Variants in ZNF536 observed in about 807,000 individuals in gnomAD.
ZNF536 encodes the protein zinc finger protein 536.
A neutral mutation model predicts 84.5 loss-of-function variants in ZNF536; 13 were observed. The ratio of observed to expected loss-of-function variants is 0.15; its 90% CI spans 0.10 to 0.24. ZNF536 has a LOEUF of 0.24. Among genes scored for constraint, ZNF536 ranks in the 10% least tolerant of loss-of-function variants. ZNF536 has a pLI of 1.00. For missense variants in ZNF536, 1,536 were observed against 1,747.5 expected (o/e 0.88, Z 2.16); for synonymous variants, 811 against 742.5 (o/e 1.09, Z -1.50).
At chr19:30,643,538 T>A (rs1278732176) in intron 1 of ZNF536, among the ~76,000 whole-genome samples, 2 of 152,344 alleles carry the variant, frequency 1.3e-5, no homozygotes, top group Non-Finnish European at 2.9e-5. Context: ...TACTGACAGA[T>A]GATTCTCAAT....
chr19:30,688,335 C>A (rs62103456), intron 1 of ZNF536, among the ~76,000 whole-genome samples: 1 of 152,230 alleles, frequency 6.6e-6, no homozygotes, highest in East Asian at 1.9e-4. Flanking sequence ...AGAGTGTGTG[C>A]GTGAGGACTC....
rs34995610 is a variant in ZNF536, at chr19:30,569,559, CTTTTTTTT to C, written c.169+20068_169+20075del. ...ATGGAATCGAAGCCAGATAAACGTT[CTTTTTTTT>C]TTTTTTTTTTTTTTTTTTTTTTGAG... is the stretch of plus-strand genomic sequence containing the variant. On this transcript the variant is annotated intron_variant, in intron 1 of 1. Coordinates refer to the ZNF536 transcript ENST00000592773. Among the ~76,000 whole-genome samples the C allele has an allele frequency of 8.5e-3, 469 of 55,022 alleles. 3 individuals are homozygous for C. Among genetic ancestry groups the C allele is most frequent in the African/African-American group, 0.026 (349 of 13,176 alleles). The allele number at this position is 55,022 out of a possible 152,430, so 36.1% of individuals were successfully genotyped here.
intron 2 of ZNF536, among the ~76,000 whole-genome samples, chr19:30,342,391 TATTTTCTTGAGA>T (rs1281055869): frequency 1.2e-4 from 18 of 152,242 alleles, no homozygotes; most frequent in Non-Finnish European, 2.5e-4. Context: ...TTTAAAAAGA[TATTTTCTTGAGA>T]TCATGTATTC....
At chr19:30,604,220 C>G (rs1037218486) in intron 1 of ZNF536, among the ~76,000 whole-genome samples, 3 of 152,118 alleles carry the variant, frequency 2.0e-5, no homozygotes, top group Non-Finnish European at 4.4e-5. Context: ...GATGCTAAAA[C>G]AATAAAATAC....
At chr19:30,612,814 A>T (rs1041613179) in intron 1 of ZNF536, among the ~76,000 whole-genome samples, 4 of 152,216 alleles carry the variant, frequency 2.6e-5, no homozygotes, top group Non-Finnish European at 4.4e-5. Context: ...TTGATGCAGT[A>T]TTACGAATTA....
intron 2 of ZNF536, among the ~76,000 whole-genome samples, chr19:30,504,775 G>A (rs1390444966): frequency 1.3e-5 from 2 of 151,876 alleles, no homozygotes; most frequent in Admixed American, 6.6e-5. Context: ...CATGGGGTTT[G>A]CATGCCTACT....
intron 2 of ZNF536, among the ~76,000 whole-genome samples, chr19:30,464,800 G>A (rs1406435765): frequency 1.3e-5 from 2 of 151,998 alleles, no homozygotes; most frequent in Non-Finnish European, 2.9e-5. Flanking sequence ...AGGGCAAAGC[G>A]GGGTCCATCA....
intron 1 of ZNF536, among the ~76,000 whole-genome samples, chr19:30,418,971 T>C (rs1327125218): frequency 1.3e-5 from 2 of 152,260 alleles, no homozygotes; most frequent in East Asian, 3.8e-4. Flanking sequence ...TAACTTTATA[T>C]TTTCTGATTA....
At chr19:30,598,863 C>T (rs2047556780) in intron 1 of ZNF536, among the ~76,000 whole-genome samples, 1 of 151,648 alleles carries the variant, frequency 6.6e-6, no homozygotes, top group Non-Finnish European at 1.5e-5. Flanking sequence ...TTCTTCCTTC[C>T]CTTCTTCCTC....
chr19:30,484,652 C>T (rs954494612), intron 2 of ZNF536, among the ~76,000 whole-genome samples: 6 of 149,504 alleles, frequency 4.0e-5, no homozygotes, highest in African/African-American at 7.5e-5. Flanking sequence ...GAGCAAGTAG[C>T]GCACTTTCTT....
At chr19:30,287,662 ATGGGTGGG>A (rs1471926286) in intron 2 of ZNF536, among the ~76,000 whole-genome samples, 1,605 of 78,428 alleles carry the variant, frequency 0.02, 17 homozygotes, top group African/African-American at 0.081. Context: ...GGGTGGATGG[ATGGGTGGG>A]TGGATGGATG....
At chr19:30,273,560 C>A (rs923267351) in intron 1 of ZNF536, among the ~76,000 whole-genome samples, 1 of 152,168 alleles carries the variant, frequency 6.6e-6, no homozygotes, top group African/African-American at 2.4e-5. Context: ...CTGTTCAGAT[C>A]TTTTGCCCAT....
intron 2 of ZNF536, among the ~76,000 whole-genome samples, chr19:30,516,927 G>T (rs1018915345): frequency 1.3e-5 from 2 of 152,170 alleles, no homozygotes; most frequent in African/African-American, 2.4e-5. Context: ...AAGGCCAGGT[G>T]TGGTGACAGA....
chr19:30,519,308 G>A (rs561038340), intron 2 of ZNF536, among the ~76,000 whole-genome samples: 54 of 152,296 alleles, frequency 3.5e-4, no homozygotes, highest in African/African-American at 1.3e-3. Context: ...TGGGGCAGGT[G>A]TGGACAGGGA....
chr19:30,669,940 A>C (rs1476771795), intron 1 of ZNF536, among the ~76,000 whole-genome samples: 2 of 152,158 alleles, frequency 1.3e-5, no homozygotes, highest in Non-Finnish European at 2.9e-5. Context: ...CTTCTACAGG[A>C]GGGAAGAGAA....
chr19:30,550,039 G>T (rs755482137), intron 4 of ZNF536, among the ~76,000 whole-genome samples: 14 of 152,164 alleles, frequency 9.2e-5, no homozygotes, highest in Non-Finnish European at 2.1e-4. Context: ...CTCCAAAGAG[G>T]GAGATGGTTT....
upstream of ZNF536, among the ~76,000 whole-genome samples, chr19:30,372,176 C>T (rs2048633623): frequency 6.6e-6 from 1 of 152,200 alleles, no homozygotes; most frequent in African/African-American, 2.4e-5. Flanking sequence ...AATTGCAGGG[C>T]CTTTCTGGCC....
At chr19:30,283,978 A>G (rs1367518115) in intron 1 of ZNF536, 1 of 152,240 alleles carries the variant, frequency 6.6e-6, no homozygotes, top group Non-Finnish European at 1.5e-5. Context: ...CAACTAACCC[A>G]GCAAATTGTT....
chr19:30,456,139 G>T (rs2052828373), intron 2 of ZNF536, among the ~76,000 whole-genome samples: 1 of 152,112 alleles, frequency 6.6e-6, no homozygotes, highest in African/African-American at 2.4e-5. Flanking sequence ...GCTGTTGCTT[G>T]CAGATTCCTG....
Sources: gnomAD v4.1 joint callset for allele counts (sites outside exome capture counted in the v4.1 genomes callset) on GRCh38, gnomAD v4.1.1 for gene constraint, MANE v1.5 for transcripts, NCBI Gene and HGNC (gene_info 2026-07-23, HGNC 2026-07-21) for gene names.